The following DNAH2 variants were observed in gnomAD, a reference collection of about 807,000 sequenced individuals.
The protein encoded by DNAH2 is axonemal beta dynein heavy chain 2.
A neutral mutation model predicts 523.5 loss-of-function variants in DNAH2; 323 were observed. The observed-to-expected ratio is 0.62, with a 90% CI of 0.56 to 0.68. The LOEUF is 0.68. DNAH2 is among the 30% of genes least tolerant of loss of function. DNAH2 has a pLI of 0.00. For missense variants in DNAH2, 4,907 were observed against 5,701.5 expected (o/e 0.86, Z 4.49); for synonymous variants, 2,093 against 2,177.4 (o/e 0.96, Z 1.08).
At chr17:7,781,020 G>A in intron 38 of DNAH2, 22 bp from the exon 39 acceptor site, 1 of 1,613,700 alleles carries the variant, frequency 6.2e-7, no homozygotes, top group Non-Finnish European at 8.5e-7. Context: ...TCAAGCCTGA[G>A]TCTCTGTCTT....
intron 11 of DNAH2, 46 bp from the exon 12 acceptor site, chr17:7,742,882 G>GTATCATTAAAA: frequency 7.8e-7 from 1 of 1,276,788 alleles, no homozygotes; most frequent in Non-Finnish European, 1.0e-6. Flanking sequence ...GGCCCCTGGA[G>GTATCATTAAAA]GAAGGTGGCA....
intron 12 of DNAH2, among the ~76,000 whole-genome samples, chr17:7,747,906 C>T (rs2151170691): frequency 6.6e-6 from 1 of 152,316 alleles, no homozygotes; most frequent in Non-Finnish European, 1.5e-5. Flanking sequence ...AAGTCAGTTA[C>T]AGCTTCCAAA....
rs2151135967 is a variant in DNAH2 at position 7,733,096 on chromosome 17, C to A, written c.409C>A (p.Gln137Lys). 3 of 1,614,130 alleles carry A rather than the reference C, an allele frequency of 1.9e-6. No individual in the cohort carries two copies. Among genetic ancestry groups the A allele is most frequent in the Admixed American group, 1.7e-5 (1 of 60,020 alleles). Reference protein sequence around the residue: ...ELGMPVQTQNQLVYFIRQAPV... With the variant: ...ELGMPVQTQNKLVYFIRQAPV... ...GCTGTCTTCCATGCAGACCCAGAACCAGCTTGTCTACTTCATTCGCCAAGC... is the reference window on the plus strand; with the variant it reads ...GCTGTCTTCCATGCAGACCCAGAACAAGCTTGTCTACTTCATTCGCCAAGC... Residue 137 changes from glutamine to lysine, a missense_variant, in exon 5 of 86, where the codon CAG becomes AAG. Physicochemically the swap from Gln to Lys is moderately conservative, Grantham distance 53. This residue lies in a region of DNAH2 where 2,806 missense variants were observed against 3,190.8 expected (regional missense o/e 0.88). Transcript: ENST00000572933.
intron 44 of DNAH2, among the ~76,000 whole-genome samples, chr17:7,790,554 T>C (rs2076868826): frequency 2.0e-5 from 3 of 152,078 alleles, no homozygotes; most frequent in Admixed American, 2.0e-4. Context: ...ATTACACAGA[T>C]AATTGTTGAA....
chr17:7,826,787 C>T (rs1364024202), intron 77 of DNAH2, among the ~76,000 whole-genome samples: 1 of 151,870 alleles, frequency 6.6e-6, no homozygotes, highest in African/African-American at 2.4e-5. Context: ...AATCTGCCTA[C>T]TCTCGGCCTC....
In DNAH2 at chr17:7,733,207, C is replaced by G. The variant is rs1402829025; in HGVS notation, c.520C>G (p.Leu174Val). 6.2e-7 allele frequency: 1 copy of G among 1,614,222 alleles called. No individual in the cohort carries two copies. Residue 174 changes from leucine to valine, a missense_variant, in exon 5 of 86, where the codon CTG (leucine) becomes GTG (valine). Leu to Val is a conservative substitution (Grantham distance 32, BLOSUM62 1). Around this residue, in one of 3 missense-constraint regions of DNAH2, gnomAD observed 2,806 missense variants for 3,190.8 expected, o/e 0.88. Transcript: ENST00000572933. ...RGPYIPALLR[L>V]LGGVFAPQIF... ...CCCCTATATCCCGGCCCTGCTTCGGCTGCTCGGTGGAGTCTTTGCCCCTCA... is the reference window on the plus strand; with the variant it reads ...CCCCTATATCCCGGCCCTGCTTCGGGTGCTCGGTGGAGTCTTTGCCCCTCA...
chr17:7,772,196 T>A (rs1176206836), intron 28 of DNAH2, among the ~76,000 whole-genome samples: 2 of 152,146 alleles, frequency 1.3e-5, no homozygotes, highest in East Asian at 3.9e-4. Context: ...ATGGGCATCC[T>A]GTGCAGAAGA....
intron 58 of DNAH2, among the ~76,000 whole-genome samples, chr17:7,802,507 T>A (rs939255494): frequency 2.0e-5 from 3 of 152,192 alleles, no homozygotes; most frequent in African/African-American, 7.2e-5. Context: ...GCATGTAACT[T>A]ATGCACGTTC....
Position 7,727,138 on chromosome 17 carries a change from C to T in DNAH2, c.245C>T (p.Ser82Phe), listed in dbSNP as rs2151125451. 6.4e-7 allele frequency: 1 copy of T among 1,568,356 alleles called. No individual in the cohort carries two copies. The highest frequency in any genetic ancestry group is 2.4e-5 in the East Asian group (1 of 42,448). Residue 82 changes from serine (S) to phenylalanine (F), a missense_variant, in exon 4 of 86, where the codon TCC becomes TTC. Around this residue, in one of 3 missense-constraint regions of DNAH2, gnomAD observed 2,806 missense variants for 3,190.8 expected, o/e 0.88. Transcript: ENST00000572933. ...PEADVKPLFLSRAALTGLADA... is the reference protein window; with the variant it reads ...PEADVKPLFLFRAALTGLADA... ...CTTCTGTAGAAGCCCCTCTTCCTTT[C>T]CCGAGCTGCGCTGACAGGACTGGCG...
chr17:7,757,383 C>T, intron 13 of DNAH2, 146 bp downstream of exon 13: 1 of 1,093,568 alleles, frequency 9.1e-7, no homozygotes, highest in South Asian at 1.6e-5. Flanking sequence ...GTCTCCCACT[C>T]TTACGGCCCT....
At chr17:7,763,062 G>A (rs1250940239) in intron 18 of DNAH2, among the ~76,000 whole-genome samples, 2 of 151,772 alleles carry the variant, frequency 1.3e-5, no homozygotes, top group African/African-American at 2.4e-5. Flanking sequence ...TGCAGCCTCC[G>A]CCTCCCGGGT....
At position 7,815,703 on chromosome 17, in the gene DNAH2, TGTATACGGGATCACACACAC is replaced by T. The variant is rs2077646245; in HGVS notation, c.9730-847_9730-828del. Among the ~76,000 whole-genome samples, 3 of 145,942 alleles carry T rather than the reference TGTATACGGGATCACACACAC, an allele frequency of 2.1e-5. No individual in the cohort carries two copies. In the South Asian group the frequency reaches 6.7e-4, roughly 32 times the overall value. ...ACACACATATATGGGATCACACACATGTATACGGGATCACACACACGTATACGGGATCACACACACATATA... is the reference window on the plus strand; with the variant it reads ...ACACACATATATGGGATCACACACATGTATACGGGATCACACACACATATA... On this transcript the variant is annotated intron_variant, in intron 63 of 85. Transcript: ENST00000572933.
chr17:7,742,899 C>G, intron 11 of DNAH2, 29 bp from the exon 12 acceptor site: 1 of 1,411,610 alleles, frequency 7.1e-7, no homozygotes. Flanking sequence ...GGCAGGCCGA[C>G]TCCACCCACC....
At chr17:7,796,430 C>T (rs780220294) in intron 49 of DNAH2, 34 bp from the exon 50 acceptor site, 2 of 1,604,398 alleles carry the variant, frequency 1.2e-6, no homozygotes, top group East Asian at 4.5e-5. Context: ...AGAAGGCCAG[C>T]AGCCCTGGAG....
At chr17:7,785,079 A>G (rs2076698548) in intron 39 of DNAH2, among the ~76,000 whole-genome samples, 1 of 144,746 alleles carries the variant, frequency 6.9e-6, no homozygotes, top group South Asian at 2.2e-4. Flanking sequence ...AATGGATCAA[A>G]GAAGAAATTA....
At position 7,768,640 on chromosome 17, in the gene DNAH2, C is replaced by A. The variant is rs541359840; in HGVS notation, c.3941+373C>A. 3.3e-5 allele frequency among the ~76,000 whole-genome samples: 5 copies of A among 152,220 alleles called. No homozygotes were observed. In the East Asian group the frequency reaches 9.7e-4, roughly 29 times the overall value. ...ATTGTTGCCGTGATGTACAGGAGAT[C>A]ATCCCTCTTGTCTAACTGAAATTTT... On this transcript the variant is annotated intron_variant, in intron 24 of 85. Coordinates refer to ENST00000572933, the MANE Select transcript of DNAH2 (RefSeq NM_020877.5).
At position 7,763,951 on chromosome 17, in the gene DNAH2, C is replaced by T. The variant is rs906129161; in HGVS notation, c.3099C>T (p.Asn1033=). Residue 1033 remains asparagine (N), a synonymous_variant, in exon 19 of 86, where the codon AAC becomes AAT. Transcript: ENST00000572933. ...TGCAGCACTGCAATGAATGGCAGAA[C>T]AAGTTCGCGACTCTGCTCAGGGAGA... ...SLVQHCNEWQ[N]KFATLLREMA... is the part of the protein sequence containing the mutation. The T allele has an allele frequency of 1.2e-6, 2 of 1,614,120 alleles. No individual in the cohort carries two copies. The highest frequency in any genetic ancestry group is 2.7e-5 in the African/African-American group (2 of 74,928).
At position 7,796,501 on chromosome 17, in the gene DNAH2, A is replaced by G. The variant is rs772875004; in HGVS notation, c.7712A>G (p.Asn2571Ser). 17 of 1,613,870 alleles carry G rather than the reference A, an allele frequency of 1.1e-5. No homozygotes were observed. In the South Asian group the frequency reaches 1.9e-4, roughly 18 times the overall value. The change falls in exon 50 of 86, where the codon AAT becomes AGT. Residue 2571 changes from asparagine to serine, a missense_variant. Physicochemically the swap from Asn to Ser is conservative, Grantham distance 46 (BLOSUM62 1). Transcript: ENST00000572933. ...ATCCGCATATTCGGCACCATGATCA[A>G]TCAGAAGCTTCAGGACTTTGAGGAA... ...QIIRIFGTMI[N>S]QKLQDFEEEV...
intron 57 of DNAH2, 58 bp downstream of exon 57, chr17:7,801,768 C>T (rs1339661528): frequency 1.9e-6 from 3 of 1,610,812 alleles, no homozygotes; most frequent in African/African-American, 2.7e-5. Context: ...CCCCGCCTCT[C>T]ATCTCTCATC....
Sources: allele counts gnomAD v4.1 joint callset (sites outside exome capture counted in the v4.1 genomes callset), GRCh38; gene constraint gnomAD v4.1.1; regional missense constraint gnomAD v4.1.1; transcripts MANE v1.5; gene names NCBI Gene and HGNC (gene_info 2026-07-23, HGNC 2026-07-21).